The following NCKAP5 variants were observed in gnomAD, a reference collection of about 807,000 sequenced individuals.
The protein encoded by NCKAP5 is NCK associated protein 5.
In NCKAP5, 92 loss-of-function variants were observed where a neutral mutation model predicts 167.0. The observed-to-expected ratio is 0.55, with a 90% CI of 0.47 to 0.66. The LOEUF (loss-of-function observed/expected upper bound fraction) is 0.66. Ranked by LOEUF, NCKAP5 falls within the 30% of genes least tolerant of loss-of-function variation. The pLI is 0.00. For missense variants in NCKAP5, 2,378 were observed against 2,315.0 expected, an observed-to-expected ratio of 1.03 and a Z score of -0.56; for synonymous variants, 891 against 877.4, an observed-to-expected ratio of 1.02 and a Z score of -0.27.
At chr2:133,501,577 A>G (rs1200116286) in intron 3 of NCKAP5, among the ~76,000 whole-genome samples, 1 of 152,218 alleles carries the variant, frequency 6.6e-6, no homozygotes, top group Non-Finnish European at 1.5e-5. Flanking sequence ...GCATTTATAG[A>G]TGTGAATGAA....
intron 3 of NCKAP5, among the ~76,000 whole-genome samples, chr2:133,469,469 G>A (rs1037004527): frequency 1.3e-5 from 2 of 151,994 alleles, no homozygotes; most frequent in African/African-American, 4.8e-5. Context: ...CAACTTTGGT[G>A]AATCTGAAAA....
At chr2:132,732,399 C>T (rs113922216) in intron 16 of NCKAP5, among the ~76,000 whole-genome samples, 62 of 152,026 alleles carry the variant, frequency 4.1e-4, no homozygotes, top group African/African-American at 1.4e-3. Context: ...CAAACCTGCA[C>T]GTTGTGCACA....
At chr2:133,671,363 A>T in the NCKAP5 span, among the ~76,000 whole-genome samples, 1 of 152,164 alleles carries the variant, frequency 6.6e-6, no homozygotes, top group African/African-American at 2.4e-5. Context: ...ACTCATATCG[A>T]AATAAACTCT....
At chr2:132,843,205 T>C (rs78533987) in intron 11 of NCKAP5, among the ~76,000 whole-genome samples, 2 of 152,178 alleles carry the variant, frequency 1.3e-5, no homozygotes, top group African/African-American at 2.4e-5. Flanking sequence ...TATATGGCTA[T>C]TATATCAAGA....
intron 5 of NCKAP5, among the ~76,000 whole-genome samples, chr2:133,204,111 A>G (rs1298038172): frequency 6.6e-6 from 1 of 152,324 alleles, no homozygotes; most frequent in South Asian, 2.1e-4. Flanking sequence ...TAAAAATGAA[A>G]AAACATATTC....
At chr2:132,931,147 A>G (rs2149055189) in intron 8 of NCKAP5, 1 of 152,352 alleles carries the variant, frequency 6.6e-6, no homozygotes, top group South Asian at 2.1e-4. Flanking sequence ...CAGTGCAGCC[A>G]GGAAACTTCT....
intron 6 of NCKAP5, among the ~76,000 whole-genome samples, chr2:133,018,512 T>A (rs1314431677): frequency 6.6e-6 from 1 of 152,216 alleles, no homozygotes; most frequent in Non-Finnish European, 1.5e-5. Context: ...CTACTTAGAT[T>A]TCATAGCCCT....
chr2:132,700,937 G>A (rs959726480), intron 19 of NCKAP5, among the ~76,000 whole-genome samples: 1 of 146,738 alleles, frequency 6.8e-6, no homozygotes, highest in Non-Finnish European at 1.5e-5. Flanking sequence ...GGGCGGGGGG[G>A]GGGGCTTTTA....
chr2:133,374,786 G>T (rs1410712390), intron 3 of NCKAP5, among the ~76,000 whole-genome samples: 1 of 152,172 alleles, frequency 6.6e-6, no homozygotes, highest in African/African-American at 2.4e-5. Flanking sequence ...TTTTCTCTGT[G>T]CTGTTGGTCT....
the NCKAP5 span, among the ~76,000 whole-genome samples, chr2:133,581,861 C>T: frequency 2.6e-5 from 4 of 152,274 alleles, no homozygotes; most frequent in East Asian, 1.9e-4. Flanking sequence ...CCATTTCTAA[C>T]GTTAGCTAGA....
chr2:132,950,796 C>A (rs1428476961), intron 8 of NCKAP5, among the ~76,000 whole-genome samples: 1 of 152,128 alleles, frequency 6.6e-6, no homozygotes, highest in Non-Finnish European at 1.5e-5. Context: ...GTATGGGAGG[C>A]AGTCTCCTCT....
At chr2:133,087,459 G>A (rs778075149) in intron 6 of NCKAP5, among the ~76,000 whole-genome samples, 22 of 152,156 alleles carry the variant, frequency 1.4e-4, no homozygotes, top group Non-Finnish European at 2.2e-4. Context: ...CTCCATATTC[G>A]TTCAATTAAT....
intron 3 of NCKAP5, among the ~76,000 whole-genome samples, chr2:133,328,204 T>C (rs2150708435): frequency 6.6e-6 from 1 of 152,332 alleles, no homozygotes; most frequent in South Asian, 2.1e-4. Flanking sequence ...TTTTTTCGTG[T>C]TGATTTATAG....
chr2:132,676,344 A>G (rs1367776380), intron 19 of NCKAP5, among the ~76,000 whole-genome samples: 1 of 96,298 alleles, frequency 1.0e-5, no homozygotes, highest in African/African-American at 4.3e-5. Context: ...CCACTCCCCT[A>G]TTTCCCTTCC....
chr2:132,789,794 C>T (rs575763708), intron 13 of NCKAP5, among the ~76,000 whole-genome samples: 1 of 152,320 alleles, frequency 6.6e-6, no homozygotes, highest in East Asian at 1.9e-4. Context: ...TGCCTACCTA[C>T]ACTGAAGTTG....
intron 3 of NCKAP5, among the ~76,000 whole-genome samples, chr2:133,368,308 T>C (rs1051678735): frequency 6.6e-6 from 1 of 152,228 alleles, no homozygotes; most frequent in African/African-American, 2.4e-5. Context: ...AGTGTGCACA[T>C]GAATTTTAAA....
At chr2:132,998,332 A>C (rs1310246609) in intron 6 of NCKAP5, among the ~76,000 whole-genome samples, 3 of 152,168 alleles carry the variant, frequency 2.0e-5, no homozygotes, top group Non-Finnish European at 4.4e-5. Context: ...AAATAGGAAA[A>C]AGTGGGGGTG....
chr2:132,950,587 A>G (rs960762743), intron 8 of NCKAP5, among the ~76,000 whole-genome samples: 11 of 152,190 alleles, frequency 7.2e-5, no homozygotes, highest in African/African-American at 2.7e-4. Flanking sequence ...AAAAAGGAAA[A>G]AGGCTGTTTG....
intron 4 of NCKAP5, among the ~76,000 whole-genome samples, chr2:133,283,890 C>G (rs530422762): frequency 6.6e-6 from 1 of 152,066 alleles, no homozygotes; most frequent in Non-Finnish European, 1.5e-5. Flanking sequence ...CGATTACAGG[C>G]GTGAGCCACC....
Sources: allele counts gnomAD v4.1 joint callset (sites outside exome capture counted in the v4.1 genomes callset), GRCh38; gene constraint gnomAD v4.1.1; transcripts MANE v1.5; gene names NCBI Gene and HGNC (gene_info 2026-07-23, HGNC 2026-07-21).